Variants in RGS6 observed in about 807,000 individuals in gnomAD.
The protein encoded by RGS6 is regulator of G protein signaling 6, also known as regulator of G-protein signaling 6.
Under a neutral mutation model 78.5 loss-of-function variants are expected in RGS6, and 30 were observed. The observed-to-expected ratio is 0.38, with a 90% confidence interval of 0.29 to 0.52. The LOEUF (loss-of-function observed/expected upper bound fraction) is 0.52, where lower values mean the gene tolerates loss of function less well. RGS6 is among the 20% of genes least tolerant of loss of function. The probability of loss-of-function intolerance (pLI) is 0.85; values close to 1 mark genes in which losing one functional copy is unlikely to be tolerated. For synonymous variants in RGS6, 206 were observed against 206.0 expected, an observed-to-expected ratio of 1.00 and a Z score of 0.00; for missense variants, 495 against 609.7, an observed-to-expected ratio of 0.81 and a Z score of 1.98.
At chr14:72,141,918 C>T (rs1380924103) in intron 2 of RGS6, among the ~76,000 whole-genome samples, 1 of 151,310 alleles carries the variant, frequency 6.6e-6, no homozygotes, top group Non-Finnish European at 1.5e-5. Flanking sequence ...AAACCCAAAG[C>T]ACCTAGAACC....
chr14:72,083,034 A>C (rs1031330948), intron 2 of RGS6, among the ~76,000 whole-genome samples: 2 of 152,192 alleles, frequency 1.3e-5, no homozygotes, highest in African/African-American at 2.4e-5. Context: ...ATACCTCTAG[A>C]TGTACCAGTG....
chr14:71,980,005 C>G (rs1190105872), intron 2 of RGS6, among the ~76,000 whole-genome samples: 25 of 138,570 alleles, frequency 1.8e-4, no homozygotes, highest in African/African-American at 6.2e-4. Context: ...GATCCCTTTA[C>G]CATTATGTAA....
chr14:72,184,443 A>G (rs1389200617), intron 2 of RGS6, among the ~76,000 whole-genome samples: 1 of 150,906 alleles, frequency 6.6e-6, no homozygotes, highest in Admixed American at 6.6e-5. Context: ...GAGAAGCCCA[A>G]CCCAACAAAC....
intron 2 of RGS6, among the ~76,000 whole-genome samples, chr14:72,299,056 A>T (rs556044704): frequency 1.1e-4 from 17 of 152,132 alleles, no homozygotes; most frequent in Non-Finnish European, 2.2e-4. Flanking sequence ...TGTTAAATTT[A>T]TTGGCATAAA....
the RGS6 span, among the ~76,000 whole-genome samples, chr14:72,571,875 G>C: frequency 1.3e-5 from 2 of 152,176 alleles, no homozygotes; most frequent in Non-Finnish European, 2.9e-5. Flanking sequence ...AAAGTGAAAA[G>C]ATATCCCAGA....
the RGS6 span, among the ~76,000 whole-genome samples, chr14:71,898,831 A>G: frequency 1.3e-5 from 2 of 152,204 alleles, no homozygotes; most frequent in African/African-American, 4.8e-5. Flanking sequence ...ATGTCCCCGC[A>G]AGGGACATGA....
chr14:72,610,789 G>A, the RGS6 span, among the ~76,000 whole-genome samples: 1 of 152,180 alleles, frequency 6.6e-6, no homozygotes, highest in African/African-American at 2.4e-5. Context: ...AGGAGCTGGG[G>A]ACCTGAGGGC....
At chr14:72,430,091 C>T (rs1335799155) in intron 3 of RGS6, among the ~76,000 whole-genome samples, 1 of 152,178 alleles carries the variant, frequency 6.6e-6, no homozygotes, top group Admixed American at 6.5e-5. Flanking sequence ...CAGTTCTTTA[C>T]AGCAGTATGA....
At chr14:72,316,131 C>T (rs1295537582) in intron 2 of RGS6, among the ~76,000 whole-genome samples, 1 of 152,196 alleles carries the variant, frequency 6.6e-6, no homozygotes, top group African/African-American at 2.4e-5. Context: ...AGACATGCAG[C>T]AACCACCCTC....
chr14:72,199,489 A>T (rs2040991047), intron 2 of RGS6, among the ~76,000 whole-genome samples: 1 of 152,230 alleles, frequency 6.6e-6, no homozygotes, highest in Non-Finnish European at 1.5e-5. Flanking sequence ...TCTATGCATT[A>T]TTCAAGCTTG....
the RGS6 span, among the ~76,000 whole-genome samples, chr14:72,594,147 C>T: frequency 6.6e-6 from 1 of 152,044 alleles, no homozygotes; most frequent in Non-Finnish European, 1.5e-5. Context: ...TATTTTTGAC[C>T]CTTACTTTAC....
chr14:72,191,274 G>T (rs576368759), intron 2 of RGS6, among the ~76,000 whole-genome samples: 17 of 152,022 alleles, frequency 1.1e-4, no homozygotes, highest in Admixed American at 6.6e-5. Flanking sequence ...GCAAACTTTC[G>T]TCCACACCTG....
chr14:72,222,711 A>G (rs1346640069), intron 2 of RGS6, among the ~76,000 whole-genome samples: 1 of 152,212 alleles, frequency 6.6e-6, no homozygotes, highest in Non-Finnish European at 1.5e-5. Context: ...TATTGAGTAC[A>G]ATAAGATGTA....
At chr14:72,193,265 A>G (rs1458307736) in intron 2 of RGS6, among the ~76,000 whole-genome samples, 1 of 152,136 alleles carries the variant, frequency 6.6e-6, no homozygotes, top group African/African-American at 2.4e-5. Context: ...AAGTTCTGGG[A>G]TTTCAGGCAT....
the RGS6 span, among the ~76,000 whole-genome samples, chr14:72,573,726 C>CTTCTGCTGGCT: frequency 1.3e-5 from 2 of 152,192 alleles, no homozygotes; most frequent in Non-Finnish European, 2.9e-5. Context: ...GCTCCAACCC[C>CTTCTGCTGGCT]TTCTGCTGGC....
At chr14:72,002,873 T>C (rs2083752654) in intron 2 of RGS6, among the ~76,000 whole-genome samples, 1 of 152,232 alleles carries the variant, frequency 6.6e-6, no homozygotes, top group African/African-American at 2.4e-5. Context: ...TGTGAGCTTA[T>C]GCTTCAGTTA....
intron 1 of RGS6, among the ~76,000 whole-genome samples, chr14:71,957,832 C>G (rs1401422910): frequency 6.6e-6 from 1 of 152,122 alleles, no homozygotes; most frequent in Non-Finnish European, 1.5e-5. Context: ...GTGGTGTGAT[C>G]ATAGCTCAGT....
the RGS6 span, among the ~76,000 whole-genome samples, chr14:71,871,632 T>A: frequency 6.6e-6 from 1 of 152,148 alleles, no homozygotes; most frequent in Non-Finnish European, 1.5e-5. Flanking sequence ...GTTACCTAGG[T>A]GTCACCTGCA....
chr14:71,916,118 G>T, the RGS6 span, among the ~76,000 whole-genome samples: 87 of 152,300 alleles, frequency 5.7e-4, no homozygotes, highest in African/African-American at 2.0e-3. Context: ...TGACCAAAAT[G>T]GTCTAATCAG....
Sources: gnomAD v4.1 joint callset for allele counts (sites outside exome capture counted in the v4.1 genomes callset) on GRCh38, gnomAD v4.1.1 for gene constraint, MANE v1.5 for transcripts, NCBI Gene and HGNC (gene_info 2026-07-23, HGNC 2026-07-21) for gene names.